The following MCPH1 variants were observed in gnomAD, a reference collection of about 807,000 sequenced individuals.
The protein encoded by MCPH1 is microcephalin 1, also known as microcephalin.
Under a neutral mutation model 84.5 loss-of-function variants are expected in MCPH1, and 104 were observed. The observed-to-expected ratio is 1.23, with a 90% confidence interval of 1.05 to 1.45. The LOEUF (loss-of-function observed/expected upper bound fraction) is 1.45, where lower values mean the gene tolerates loss of function less well. Ranked by LOEUF, MCPH1 falls within the 40% of genes most tolerant of loss-of-function variation. The pLI is 0.00. For synonymous variants in MCPH1, 514 were observed against 366.8 expected (o/e 1.40, Z -4.58); for missense variants, 1,498 against 1,005.7 (o/e 1.49, Z -6.62).
intron 12 of MCPH1, among the ~76,000 whole-genome samples, chr8:6,606,641 AG>A (rs1176431805): frequency 2.6e-5 from 4 of 152,156 alleles, no homozygotes; most frequent in Non-Finnish European, 5.9e-5. Context: ...AGTGTATGTG[AG>A]AAGGTGTATG....
intron 8 of MCPH1, chr8:6,446,327 T>G: frequency 1.0e-5 from 10 of 985,260 alleles, no homozygotes; most frequent in Non-Finnish European, 1.2e-5. Context: ...AGGTTAAAAT[T>G]TGAGTGAGAA....
chr8:6,437,551 C>T (rs3020270), intron 5 of MCPH1, among the ~76,000 whole-genome samples: 23,945 of 152,126 alleles, frequency 0.16, 1,974 homozygotes, highest in Middle Eastern at 0.22. Context: ...AAATCTGTGA[C>T]GATAATGCGA....
At chr8:6,549,009 G>C (rs192912540) in intron 12 of MCPH1, among the ~76,000 whole-genome samples, 1 of 152,276 alleles carries the variant, frequency 6.6e-6, no homozygotes, top group African/African-American at 2.4e-5. Context: ...TTGGTTCTGG[G>C]CATCACGGAA....
chr8:6,526,859 C>G (rs1166976454), intron 12 of MCPH1, among the ~76,000 whole-genome samples: 2 of 152,150 alleles, frequency 1.3e-5, no homozygotes, highest in Non-Finnish European at 2.9e-5. Context: ...CATATGAAAA[C>G]AGTCCCCACC....
intron 12 of MCPH1, chr8:6,520,052 T>A: frequency 6.3e-7 from 1 of 1,578,914 alleles, no homozygotes. Flanking sequence ...AGACTTGTTA[T>A]TTCAAGAGCC....
intron 12 of MCPH1, among the ~76,000 whole-genome samples, chr8:6,617,972 A>G (rs749496654): frequency 1.5e-5 from 2 of 131,468 alleles, no homozygotes; most frequent in Non-Finnish European, 3.3e-5. Flanking sequence ...GGGTCTGCCT[A>G]TGTTGCCCAG....
chr8:6,453,468 A>G (rs184877139), intron 8 of MCPH1, among the ~76,000 whole-genome samples: 26 of 150,680 alleles, frequency 1.7e-4, no homozygotes, highest in Admixed American at 4.6e-4. Context: ...CTTTATGTTT[A>G]TAAAATGCTT....
chr8:6,567,812 G>T (rs1826326059), intron 12 of MCPH1, among the ~76,000 whole-genome samples: 2 of 152,146 alleles, frequency 1.3e-5, no homozygotes, highest in African/African-American at 2.4e-5. Context: ...AAAATCTTGG[G>T]TGTTCCTCCC....
intron 12 of MCPH1, among the ~76,000 whole-genome samples, chr8:6,604,713 C>G (rs1403824264): frequency 6.6e-6 from 1 of 152,222 alleles, no homozygotes; most frequent in Non-Finnish European, 1.5e-5. Flanking sequence ...CCATGTTGGC[C>G]AGACTGGTCT....
chr8:6,603,163 A>C (rs1415511169), intron 12 of MCPH1, among the ~76,000 whole-genome samples: 1 of 151,892 alleles, frequency 6.6e-6, no homozygotes, highest in Non-Finnish European at 1.5e-5. Flanking sequence ...CTACCGCCGG[A>C]CTCTGCTTTA....
chr8:6,642,169 A>C (rs1563230419), intron 13 of MCPH1, among the ~76,000 whole-genome samples: 1 of 152,226 alleles, frequency 6.6e-6, no homozygotes, highest in East Asian at 1.9e-4. Flanking sequence ...CTCTGTAATT[A>C]TAATTATATA....
intron 9 of MCPH1, among the ~76,000 whole-genome samples, chr8:6,476,103 C>A (rs1489511107): frequency 2.0e-5 from 3 of 152,124 alleles, no homozygotes; most frequent in Admixed American, 6.6e-5. Flanking sequence ...TACAGACATA[C>A]AAACAGACAT....
intron 12 of MCPH1, among the ~76,000 whole-genome samples, chr8:6,559,097 G>A (rs899862622): frequency 3.9e-5 from 6 of 152,042 alleles, no homozygotes; most frequent in Non-Finnish European, 7.4e-5. Context: ...CTTGTCCTCC[G>A]CAGGAGGACC....
At chr8:6,589,022 A>G (rs1828229440) in intron 12 of MCPH1, among the ~76,000 whole-genome samples, 1 of 152,264 alleles carries the variant, frequency 6.6e-6, no homozygotes, top group African/African-American at 2.4e-5. Context: ...TGCTTTTACA[A>G]GTAGATTTTT....
At chr8:6,478,004 A>G (rs951078028) in intron 10 of MCPH1, among the ~76,000 whole-genome samples, 3 of 152,252 alleles carry the variant, frequency 2.0e-5, no homozygotes, top group African/African-American at 7.2e-5. Context: ...TAAAGTTGCT[A>G]TGTATGCATT....
chr8:6,532,348 G>A (rs754607695), intron 12 of MCPH1: 2 of 1,613,978 alleles, frequency 1.2e-6, no homozygotes, highest in African/African-American at 2.7e-5. Flanking sequence ...TTCCACATCA[G>A]TTAACTTCCG....
chr8:6,428,010 C>A (rs914803810), intron 3 of MCPH1, among the ~76,000 whole-genome samples: 2 of 151,826 alleles, frequency 1.3e-5, no homozygotes, highest in African/African-American at 4.8e-5. Flanking sequence ...CCTGGATGGC[C>A]TTGAACCACT....
intron 12 of MCPH1, among the ~76,000 whole-genome samples, chr8:6,605,418 G>T (rs1267054155): frequency 6.6e-6 from 1 of 152,158 alleles, no homozygotes; most frequent in Non-Finnish European, 1.5e-5. Flanking sequence ...CCCAAAAGCA[G>T]AAAAGTGTTA....
At chr8:6,631,722 G>C (rs1372366838) in intron 13 of MCPH1, among the ~76,000 whole-genome samples, 1 of 151,628 alleles carries the variant, frequency 6.6e-6, no homozygotes, top group African/African-American at 2.4e-5. Context: ...CCTTGTGTCT[G>C]CCTCATGTAA....
Sources: gnomAD v4.1 joint callset for allele counts (sites outside exome capture counted in the v4.1 genomes callset) on GRCh38, gnomAD v4.1.1 for gene constraint, MANE v1.5 for transcripts, NCBI Gene and HGNC (gene_info 2026-07-23, HGNC 2026-07-21) for gene names.